The following GSK3B variants were observed in gnomAD, a reference collection of about 807,000 sequenced individuals.
GSK3B encodes glycogen synthase kinase 3 beta.
A neutral mutation model predicts 56.4 loss-of-function variants in GSK3B; 15 were observed. That is an observed-to-expected ratio of 0.27 (90% CI 0.18 to 0.41). The LOEUF (loss-of-function observed/expected upper bound fraction) is 0.41. Ranked by LOEUF, GSK3B falls within the 10% of genes least tolerant of loss-of-function variation. The pLI, the probability that GSK3B is intolerant of heterozygous loss-of-function variation, is 1.00. For missense variants in GSK3B, 300 were observed against 513.4 expected (o/e 0.58, Z 4.02); for synonymous variants, 181 against 188.9 (o/e 0.96, Z 0.34).
chr3:120,074,007 A>C (rs1289444309), intron 1 of GSK3B, among the ~76,000 whole-genome samples: 2 of 152,214 alleles, frequency 1.3e-5, no homozygotes, highest in African/African-American at 4.8e-5. Context: ...TAGAAGCCTC[A>C]GAAATAAAAA....
intron 1 of GSK3B, among the ~76,000 whole-genome samples, chr3:120,066,995 G>A (rs926835697): frequency 6.6e-6 from 1 of 151,960 alleles, no homozygotes; most frequent in Non-Finnish European, 1.5e-5. Context: ...GAATACTAAC[G>A]ATAGCTGATG....
chr3:119,909,028 G>GC (rs2056710495), intron 6 of GSK3B, among the ~76,000 whole-genome samples: 1 of 152,160 alleles, frequency 6.6e-6, no homozygotes, highest in South Asian at 2.1e-4. Flanking sequence ...TGTTGCTGTT[G>GC]TTGTTTTGAG....
chr3:119,849,802 A>G (rs534555120), intron 9 of GSK3B, among the ~76,000 whole-genome samples: 1 of 152,148 alleles, frequency 6.6e-6, no homozygotes, highest in South Asian at 2.1e-4. Flanking sequence ...AGCCTCTCAT[A>G]TACTTTATTT....
intron 2 of GSK3B, among the ~76,000 whole-genome samples, chr3:119,967,931 C>T (rs2057334530): frequency 6.6e-6 from 1 of 151,876 alleles, no homozygotes; most frequent in Admixed American, 6.6e-5. Context: ...TCTCCACTCA[C>T]TAGAACCTCT....
At position 119,889,283 on chromosome 3, in the gene GSK3B, T is replaced by C. The variant is rs550767415; in HGVS notation, c.814-12775A>G. 1.3e-4 allele frequency among the ~76,000 whole-genome samples: 20 copies of C among 152,204 alleles called. 1 individual carries two copies. The highest frequency in any genetic ancestry group is 2.0e-4 in the Admixed American group (3 of 15,254). ...TCTCTTTGTACTCTTTCTCTTTATTTCTCAGCCAGCCGACACTCATGGAAA... is the reference window on the plus strand; with the variant it reads ...TCTCTTTGTACTCTTTCTCTTTATTCCTCAGCCAGCCGACACTCATGGAAA... On this transcript the variant is annotated intron_variant, in intron 7 of 10. Transcript: ENST00000264235.
chr3:120,074,099 G>C (rs2058349171), intron 1 of GSK3B, among the ~76,000 whole-genome samples: 1 of 152,022 alleles, frequency 6.6e-6, no homozygotes, highest in South Asian at 2.1e-4. Context: ...GAGTCTAGGA[G>C]TTCAAGACCA....
intron 5 of GSK3B, 131 bp downstream of exon 5, chr3:119,915,913 T>A: frequency 1.7e-6 from 1 of 586,694 alleles, no homozygotes; most frequent in South Asian, 2.5e-5. Flanking sequence ...CTCTCACAGC[T>A]GCACTAGTTT....
intron 1 of GSK3B, among the ~76,000 whole-genome samples, chr3:120,042,779 C>T (rs1239630809): frequency 6.6e-6 from 1 of 152,152 alleles, no homozygotes; most frequent in Non-Finnish European, 1.5e-5. Context: ...TGGCACCCAC[C>T]GTCATTAAGG....
intron 3 of GSK3B, among the ~76,000 whole-genome samples, chr3:119,924,157 TG>T (rs1443558370): frequency 6.6e-6 from 1 of 152,244 alleles, no homozygotes; most frequent in Non-Finnish European, 1.5e-5. Context: ...TAAATATCCA[TG>T]CTCTGCAGCA....
chr3:119,997,680 C>G (rs1283781507), intron 2 of GSK3B, among the ~76,000 whole-genome samples: 1 of 151,948 alleles, frequency 6.6e-6, no homozygotes, highest in Non-Finnish European at 1.5e-5. Context: ...AGAGAAAAAA[C>G]AAGGAACACT....
chr3:119,832,785 C>T (rs1370591130), intron 10 of GSK3B, among the ~76,000 whole-genome samples: 1 of 152,182 alleles, frequency 6.6e-6, no homozygotes, highest in African/African-American at 2.4e-5. Context: ...AGGTAAAACA[C>T]AACTTAGGCA....
At chr3:119,856,942 A>G (rs1428839589) in intron 9 of GSK3B, among the ~76,000 whole-genome samples, 2 of 152,244 alleles carry the variant, frequency 1.3e-5, no homozygotes, top group Admixed American at 1.3e-4. Flanking sequence ...CCACTACAAT[A>G]AAGTGAGTCA....
chr3:119,938,884 C>T (rs1361610204), intron 3 of GSK3B, among the ~76,000 whole-genome samples: 8 of 151,796 alleles, frequency 5.3e-5, no homozygotes, highest in Non-Finnish European at 8.8e-5. Context: ...ATCTACATAG[C>T]CAACTTCACA....
At chr3:119,975,378 C>T (rs555229958) in intron 2 of GSK3B, among the ~76,000 whole-genome samples, 4 of 151,944 alleles carry the variant, frequency 2.6e-5, no homozygotes, top group Non-Finnish European at 5.9e-5. Flanking sequence ...ACCTGGGAGG[C>T]GGAAGTTGCA....
At chr3:119,885,241 A>G (rs973120266) in intron 7 of GSK3B, among the ~76,000 whole-genome samples, 3 of 146,022 alleles carry the variant, frequency 2.1e-5, no homozygotes, top group Admixed American at 1.4e-4. Context: ...CCTATTTACA[A>G]TAGCCACAAA....
chr3:120,080,963 T>C (rs2058414265), intron 1 of GSK3B, among the ~76,000 whole-genome samples: 1 of 152,192 alleles, frequency 6.6e-6, no homozygotes, highest in Admixed American at 6.5e-5. Flanking sequence ...CAGAGTAAGC[T>C]ACTTGGTGAA....
At chr3:120,004,334 C>T (rs2057706618) in intron 1 of GSK3B, among the ~76,000 whole-genome samples, 1 of 152,216 alleles carries the variant, frequency 6.6e-6, no homozygotes, top group Admixed American at 6.5e-5. Flanking sequence ...CCTCTGGGGG[C>T]AGGGCATATC....
intron 1 of GSK3B, among the ~76,000 whole-genome samples, chr3:120,054,725 A>G (rs563792359): frequency 2.6e-4 from 40 of 152,268 alleles, no homozygotes; most frequent in African/African-American, 9.6e-4. Flanking sequence ...ATCAGCTCAT[A>G]CAAGTCTCCT....
At chr3:119,939,819 T>C (rs2057029845) in intron 3 of GSK3B, among the ~76,000 whole-genome samples, 1 of 152,160 alleles carries the variant, frequency 6.6e-6, no homozygotes, top group Non-Finnish European at 1.5e-5. Flanking sequence ...TGCTAAATGT[T>C]GACGGCTCAG....
Sources: gnomAD v4.1 joint callset for allele counts (sites outside exome capture counted in the v4.1 genomes callset) on GRCh38, gnomAD v4.1.1 for gene constraint, MANE v1.5 for transcripts, NCBI Gene and HGNC (gene_info 2026-07-23, HGNC 2026-07-21) for gene names.